PEAK1: variants seen among roughly 807,000 people sequenced by gnomAD.
PEAK1 encodes the protein inactive tyrosine-protein kinase PEAK1.
A neutral mutation model predicts 124.7 loss-of-function variants in PEAK1; 54 were observed. That is an observed-to-expected ratio of 0.43 (90% CI 0.35 to 0.54). The LOEUF is 0.54. Among genes scored for constraint, PEAK1 ranks in the 20% least tolerant of loss-of-function variants. The pLI is 0.01. For missense variants in PEAK1, 2,046 were observed against 2,134.5 expected (o/e 0.96, Z 0.82); for synonymous variants, 719 against 760.0 (o/e 0.95, Z 0.89).
rs1359919652 is a variant in PEAK1 at position 77,110,714 on chromosome 15, C to T, written c.*3442G>A. 6.6e-6 allele frequency: 1 copy of T among 152,226 alleles called. No individual in the cohort carries two copies. The highest frequency in any genetic ancestry group is 1.5e-5 in the Non-Finnish European group (1 of 68,062). The allele number at this position is 152,226 out of a possible 1,614,324, so 9.4% of individuals were successfully genotyped here. A position where few individuals can be genotyped will look rare whatever the true frequency, so the allele number is the denominator to read the frequency against. On this transcript the variant is annotated 3_prime_UTR_variant, in exon 10 of 10. Coordinates refer to ENST00000682557, the MANE Select transcript of PEAK1 (RefSeq NM_001385026.1). ...TGAGGGCAAATCTTGAAACTCATTG[C>T]CATATTCCTGGCTTCCAGTTCTAGC...
At chr15:77,128,028 G>C (rs548370206) in intron 9 of PEAK1, among the ~76,000 whole-genome samples, 1 of 150,798 alleles carries the variant, frequency 6.6e-6, no homozygotes, top group Non-Finnish European at 1.5e-5. Flanking sequence ...GCAGTGAACC[G>C]AGATCGTGTC....
intron 1 of PEAK1, among the ~76,000 whole-genome samples, chr15:77,388,960 ATTTTTT>A (rs751451938): frequency 3.3e-5 from 4 of 121,694 alleles, no homozygotes; most frequent in Non-Finnish European, 1.8e-5. Flanking sequence ...TCTTTTGCTT[ATTTTTT>A]TTTTTTTTTT....
chr15:77,340,497 CT>C (rs2066463098), intron 2 of PEAK1, among the ~76,000 whole-genome samples: 1 of 152,186 alleles, frequency 6.6e-6, no homozygotes, highest in Non-Finnish European at 1.5e-5. Context: ...GCACAGATGA[CT>C]TTTCCAGCAG....
intron 8 of PEAK1, chr15:77,155,940 C>CG (rs1567040926): frequency 6.5e-6 from 1 of 153,206 alleles, no homozygotes; most frequent in Non-Finnish European, 1.5e-5. Flanking sequence ...TTAGGCTGCT[C>CG]GGGGGTCAGG....
chr15:77,118,506 G>A (rs979090647), intron 9 of PEAK1, among the ~76,000 whole-genome samples: 1 of 151,830 alleles, frequency 6.6e-6, no homozygotes, highest in African/African-American at 2.4e-5. Flanking sequence ...CAATTTTTCA[G>A]AACAAATGGA....
At chr15:77,260,158 CCCCAGAA>C (rs2061366224) in intron 5 of PEAK1, among the ~76,000 whole-genome samples, 1 of 152,116 alleles carries the variant, frequency 6.6e-6, no homozygotes, top group African/African-American at 2.4e-5. Flanking sequence ...TCAGCAGGGT[CCCCAGAA>C]GGGACAAATC....
At chr15:77,140,420 G>GC (rs763269267) in intron 8 of PEAK1, among the ~76,000 whole-genome samples, 48 of 152,306 alleles carry the variant, frequency 3.2e-4, no homozygotes, top group Non-Finnish European at 4.4e-4. Flanking sequence ...TTCCAGGAAT[G>GC]CAAGGTTGGT....
chr15:77,293,849 TA>T (rs933912931), intron 2 of PEAK1, among the ~76,000 whole-genome samples: 3 of 152,274 alleles, frequency 2.0e-5, no homozygotes, highest in African/African-American at 7.2e-5. Context: ...TGTATGACTT[TA>T]AAAAACAGGG....
At chr15:77,169,351 T>C (rs914607784) in intron 7 of PEAK1, among the ~76,000 whole-genome samples, 4 of 152,224 alleles carry the variant, frequency 2.6e-5, no homozygotes, top group African/African-American at 9.6e-5. Flanking sequence ...TATTCTTACA[T>C]TGAGGAACAT....
chr15:77,185,902 G>A (rs1433280368), intron 6 of PEAK1, among the ~76,000 whole-genome samples: 2 of 152,114 alleles, frequency 1.3e-5, no homozygotes, highest in Non-Finnish European at 2.9e-5. Context: ...TATGGACAAA[G>A]GAATCGAAGC....
chr15:77,408,147 A>G lies in PEAK1; in HGVS notation c.-666+11859T>C, dbSNP rs2072059822. 1.9e-4 allele frequency among the ~76,000 whole-genome samples: 4 copies of G among 21,136 alleles called. No homozygotes were observed. In the Admixed American group the frequency reaches 3.1e-3, roughly 16 times the overall value. The allele number at this position is 21,136 out of a possible 152,430, so 13.9% of individuals were successfully genotyped here. ...TACATATAGACACATGTATACACATATATACATACACACACACACACACAC... is the reference window on the plus strand; with the variant it reads ...TACATATAGACACATGTATACACATGTATACATACACACACACACACACAC... On this transcript the variant is annotated intron_variant, in intron 1 of 9. Transcript: ENST00000682557.
intron 1 of PEAK1, among the ~76,000 whole-genome samples, chr15:77,414,278 C>T (rs963953367): frequency 7.9e-6 from 1 of 125,974 alleles, no homozygotes; most frequent in Non-Finnish European, 1.7e-5. Context: ...GGCACAATCA[C>T]AGTTCACTGC....
intron 2 of PEAK1, among the ~76,000 whole-genome samples, chr15:77,361,146 T>C (rs1474987747): frequency 1.3e-5 from 2 of 152,066 alleles, no homozygotes; most frequent in Non-Finnish European, 2.9e-5. Flanking sequence ...ATCCAGAATA[T>C]ACAAGGACAA....
intron 1 of PEAK1, among the ~76,000 whole-genome samples, chr15:77,390,470 G>A (rs957532462): frequency 6.6e-6 from 1 of 152,182 alleles, no homozygotes; most frequent in East Asian, 1.9e-4. Context: ...GATGTTATGT[G>A]CTATCATATG....
intron 5 of PEAK1, among the ~76,000 whole-genome samples, chr15:77,277,049 A>G (rs1014942374): frequency 3.3e-5 from 5 of 152,234 alleles, no homozygotes; most frequent in Non-Finnish European, 7.4e-5. Context: ...ACTTTAAAAC[A>G]CTGAATTCTA....
At chr15:77,124,357 C>T (rs1463264104) in intron 9 of PEAK1, among the ~76,000 whole-genome samples, 1 of 152,220 alleles carries the variant, frequency 6.6e-6, no homozygotes, top group Non-Finnish European at 1.5e-5. Context: ...CTTCTGAGTA[C>T]CAAACCCATA....
At chr15:77,177,741 A>G (rs1163820709) in intron 7 of PEAK1, 1 of 152,202 alleles carries the variant, frequency 6.6e-6, no homozygotes, top group African/African-American at 2.4e-5. Flanking sequence ...CCTATTAGTC[A>G]CAAACTTGGG....
intron 7 of PEAK1, among the ~76,000 whole-genome samples, chr15:77,170,387 G>A (rs1353830915): frequency 6.6e-6 from 1 of 152,054 alleles, no homozygotes. Flanking sequence ...TATAAACAAG[G>A]CACTTAGAAG....
At chr15:77,277,753 GA>G (rs1403255953) in intron 5 of PEAK1, among the ~76,000 whole-genome samples, 2 of 152,112 alleles carry the variant, frequency 1.3e-5, no homozygotes, top group Non-Finnish European at 2.9e-5. Flanking sequence ...AAACCAATCT[GA>G]AAAGGCAGCA....
Sources: gnomAD v4.1 joint callset for allele counts (sites outside exome capture counted in the v4.1 genomes callset) on GRCh38, gnomAD v4.1.1 for gene constraint, MANE v1.5 for transcripts, NCBI Gene and HGNC (gene_info 2026-07-23, HGNC 2026-07-21) for gene names.